The following MARCHF1 variants were observed in gnomAD, a reference collection of about 807,000 sequenced individuals.
The protein encoded by MARCHF1 is membrane associated ring-CH-type finger 1.
Under a neutral mutation model 54.2 loss-of-function variants are expected in MARCHF1, and 40 were observed. The observed-to-expected ratio is 0.74, with a 90% CI of 0.57 to 0.96. The LOEUF is 0.96. Among genes scored for constraint, MARCHF1 ranks in the 40% least tolerant of loss-of-function variants. The probability of loss-of-function intolerance (pLI) is 0.00; values close to 1 mark genes in which losing one functional copy is unlikely to be tolerated. For synonymous variants in MARCHF1, 236 were observed against 236.3 expected (o/e 1.00, Z 0.01); for missense variants, 586 against 656.5 (o/e 0.89, Z 1.17).
intron 1 of MARCHF1, among the ~76,000 whole-genome samples, chr4:164,336,327 A>G (rs1729738483): frequency 6.6e-6 from 1 of 152,234 alleles, no homozygotes; most frequent in African/African-American, 2.4e-5. Context: ...AAAGGAATAA[A>G]GGAAATACTA....
chr4:163,853,701 T>A (rs933661691), intron 4 of MARCHF1, among the ~76,000 whole-genome samples: 6 of 152,320 alleles, frequency 3.9e-5, no homozygotes, highest in African/African-American at 1.4e-4. Context: ...TCCAAAGGTT[T>A]CATTACGCAG....
chr4:164,205,629 G>A (rs1047134716), intron 1 of MARCHF1, among the ~76,000 whole-genome samples: 1 of 152,034 alleles, frequency 6.6e-6, no homozygotes, highest in Non-Finnish European at 1.5e-5. Flanking sequence ...GTATGAAGAT[G>A]TAATTTCTGT....
chr4:163,769,850 G>A (rs1747102869), intron 4 of MARCHF1, among the ~76,000 whole-genome samples: 1 of 152,060 alleles, frequency 6.6e-6, no homozygotes, highest in African/African-American at 2.4e-5. Flanking sequence ...GTATACAATT[G>A]ACCCTTGAGC....
chr4:164,340,405 T>TTATATACATACATATATATATATATATA lies in MARCHF1; in HGVS notation c.-323+43464_-323+43465insTATATATATATATATATGTATGTATATA, dbSNP rs58808830. Among the ~76,000 whole-genome samples, 396 of 95,522 alleles carry TTATATACATACATATATATATATATATA rather than the reference T, an allele frequency of 4.1e-3. 22 individuals are homozygous for TTATATACATACATATATATATATATATA. Among genetic ancestry groups the TTATATACATACATATATATATATATATA allele is most frequent in the East Asian group, 0.018 (44 of 2,502 alleles). 62.7% of individuals were successfully genotyped at this position (95,522 alleles called of 152,430 possible). A position where few individuals can be genotyped will look rare whatever the true frequency, so the allele number is the denominator to read the frequency against. On this transcript the variant is annotated intron_variant, in intron 1 of 9. Transcript: ENST00000514618. ...ACAGCACATGCCACCAGGCCTTGAT[T>TTATATACATACATATATATATATATATA]TATATATAGATATATATATATATAT...
intron 4 of MARCHF1, among the ~76,000 whole-genome samples, chr4:163,843,952 C>G (rs543038504): frequency 6.6e-6 from 1 of 151,594 alleles, no homozygotes; most frequent in Admixed American, 6.6e-5. Context: ...GCTCATGCCC[C>G]TTGCTCATTT....
At position 164,244,798 on chromosome 4, in the gene MARCHF1, T is replaced by G. The variant is rs540920975; in HGVS notation, c.-322-133136A>C. On this transcript the variant is annotated intron_variant, in intron 1 of 9. Coordinates refer to ENST00000514618, the MANE Select transcript of MARCHF1 (RefSeq NM_001394959.1). ...GATATCACCACCAATCCCACAGAAA[T>G]ACAAAGTACCATCAGAGAATACTAC... 2.8e-3 allele frequency among the ~76,000 whole-genome samples: 430 copies of G among 152,106 alleles called. 2 individuals are homozygous for G. The highest frequency in any genetic ancestry group is 9.7e-3 in the African/African-American group (401 of 41,496).
chr4:163,602,912 G>T (rs986531703), intron 7 of MARCHF1, among the ~76,000 whole-genome samples: 3 of 152,060 alleles, frequency 2.0e-5, no homozygotes, highest in Non-Finnish European at 4.4e-5. Flanking sequence ...TAGAAAATAT[G>T]AGTCTGACTG....
intron 5 of MARCHF1, among the ~76,000 whole-genome samples, chr4:163,624,459 G>C (rs769745173): frequency 1.3e-5 from 2 of 152,108 alleles, no homozygotes; most frequent in Non-Finnish European, 2.9e-5. Context: ...CTCCTTTACT[G>C]TCTCACTGCC....
At chr4:163,887,278 GT>G (rs764846337) in intron 3 of MARCHF1, among the ~76,000 whole-genome samples, 1 of 152,010 alleles carries the variant, frequency 6.6e-6, no homozygotes, top group Non-Finnish European at 1.5e-5. Flanking sequence ...CAAAAAGGGG[GT>G]TTTTATGGGA....
chr4:163,550,636 T>G (rs992505380), intron 8 of MARCHF1, among the ~76,000 whole-genome samples: 1 of 152,202 alleles, frequency 6.6e-6, no homozygotes, highest in African/African-American at 2.4e-5. Flanking sequence ...CCTGTCATAT[T>G]GGATTTTGCT....
intron 4 of MARCHF1, among the ~76,000 whole-genome samples, chr4:163,760,501 T>C (rs1400128279): frequency 6.6e-6 from 1 of 152,216 alleles, no homozygotes; most frequent in Non-Finnish European, 1.5e-5. Context: ...ATGCCTTTGC[T>C]TTCTTCTTGA....
chr4:163,654,753 G>A (rs886399366), intron 5 of MARCHF1, among the ~76,000 whole-genome samples: 2 of 151,416 alleles, frequency 1.3e-5, no homozygotes, highest in East Asian at 1.9e-4. Context: ...TAGACTTTAG[G>A]TAAGTCACTT....
intron 1 of MARCHF1, among the ~76,000 whole-genome samples, chr4:164,196,679 T>C (rs1731268499): frequency 6.6e-6 from 1 of 152,102 alleles, no homozygotes; most frequent in South Asian, 2.1e-4. Flanking sequence ...AAGAATAGAA[T>C]GTGTAAAAAA....
chr4:164,262,196 T>C (rs9308073), intron 1 of MARCHF1, among the ~76,000 whole-genome samples: 17,629 of 151,134 alleles, frequency 0.12, 1,613 homozygotes, highest in African/African-American at 0.25. Context: ...ACATATCCCC[T>C]CAAAGCCTGA....
intron 1 of MARCHF1, among the ~76,000 whole-genome samples, chr4:164,120,890 C>T (rs974544817): frequency 1.3e-5 from 2 of 151,680 alleles, no homozygotes; most frequent in African/African-American, 2.4e-5. Context: ...GAGAAAAAAA[C>T]TTTAAATAAT....
intron 1 of MARCHF1, among the ~76,000 whole-genome samples, chr4:164,264,383 T>C (rs542559928): frequency 6.6e-6 from 1 of 151,946 alleles, no homozygotes; most frequent in African/African-American, 2.4e-5. Flanking sequence ...AACTATTGGG[T>C]ACTAGGTTTA....
intron 5 of MARCHF1, among the ~76,000 whole-genome samples, chr4:163,653,330 C>G (rs1268251778): frequency 6.6e-6 from 1 of 151,742 alleles, no homozygotes; most frequent in Non-Finnish European, 1.5e-5. Context: ...TTATGTATAT[C>G]TTGTAGCATG....
intron 5 of MARCHF1, among the ~76,000 whole-genome samples, chr4:163,669,757 C>A (rs1475011569): frequency 2.0e-5 from 3 of 152,076 alleles, no homozygotes; most frequent in African/African-American, 4.8e-5. Flanking sequence ...TGCCACCATA[C>A]CTGGCTAATT....
At chr4:163,949,490 G>A (rs1028956786) in intron 3 of MARCHF1, among the ~76,000 whole-genome samples, 2 of 152,230 alleles carry the variant, frequency 1.3e-5, no homozygotes, top group African/African-American at 4.8e-5. Flanking sequence ...AGGGGCCTGT[G>A]TCAGCTCGTT....
Sources: allele counts gnomAD v4.1 joint callset (sites outside exome capture counted in the v4.1 genomes callset), GRCh38; gene constraint gnomAD v4.1.1; transcripts MANE v1.5; gene names NCBI Gene and HGNC (gene_info 2026-07-23, HGNC 2026-07-21).